The following MACF1 variants were observed in gnomAD, a reference collection of about 807,000 sequenced individuals.
MACF1 encodes the protein microtubule actin crosslinking factor 1.
MACF1 carries 193 observed loss-of-function variants against 854.8 expected under a neutral mutation model. The observed-to-expected ratio is 0.23, with a 90% CI of 0.20 to 0.25. The LOEUF is 0.25. MACF1 is among the 10% of genes least tolerant of loss of function. The probability of loss-of-function intolerance (pLI) is 1.00; values close to 1 mark genes in which losing one functional copy is unlikely to be tolerated. For synonymous variants in MACF1, 3,185 were observed against 3,226.7 expected, an observed-to-expected ratio of 0.99 and a Z score of 0.44; for missense variants, 7,722 against 8,929.1, an observed-to-expected ratio of 0.86 and a Z score of 5.45.
intron 80 of MACF1, 45 bp downstream of exon 80, chr1:39,444,880 G>C: frequency 6.7e-7 from 1 of 1,489,020 alleles, no homozygotes; most frequent in Middle Eastern, 1.8e-4. Context: ...CTGAGTGATT[G>C]CATGTATAAT....
chr1:39,098,205 C>G (rs557439311), intron 2 of MACF1, among the ~76,000 whole-genome samples: 1 of 152,314 alleles, frequency 6.6e-6, no homozygotes, highest in East Asian at 1.9e-4. Context: ...GGGCCAATAC[C>G]TTTTATAACT....
intron 40 of MACF1, 141 bp from the exon 41 acceptor site, chr1:39,346,836 T>G: frequency 1.5e-6 from 1 of 651,104 alleles, no homozygotes; most frequent in Non-Finnish European, 2.7e-6. Context: ...ACTTTAATTC[T>G]AATTTGGCCC....
chr1:39,171,339 C>T (rs1284609354), intron 2 of MACF1, among the ~76,000 whole-genome samples: 3 of 151,794 alleles, frequency 2.0e-5, no homozygotes. Context: ...ACATTAAGTA[C>T]ATTCACAATA....
intron 54 of MACF1, 113 bp from the exon 55 acceptor site, chr1:39,380,131 A>C: frequency 2.0e-6 from 2 of 989,660 alleles, no homozygotes; most frequent in Non-Finnish European, 3.1e-6. Flanking sequence ...AGTCATTGAT[A>C]GGATCCTAGT....
chr1:39,108,001 TAGGAATGGTAGTCA>T (rs1642291332), intron 2 of MACF1, among the ~76,000 whole-genome samples: 1 of 151,644 alleles, frequency 6.6e-6, no homozygotes, highest in Non-Finnish European at 1.5e-5. Context: ...GCAGCTGTAT[TAGGAATGGTAGTCA>T]AGTATGGGTT....
At chr1:39,139,452 T>C (rs1213268110) in intron 2 of MACF1, among the ~76,000 whole-genome samples, 2 of 152,162 alleles carry the variant, frequency 1.3e-5, no homozygotes, top group Non-Finnish European at 2.9e-5. Context: ...AGATGGGGTT[T>C]CACCATGTTG....
intron 63 of MACF1, 59 bp from the exon 64 acceptor site, chr1:39,429,183 G>T (rs1007116209): frequency 2.3e-6 from 2 of 854,146 alleles, no homozygotes; most frequent in East Asian, 2.5e-5. Context: ...TAAAGGTCTC[G>T]CATTTTGTTT....
chr1:39,385,517 A>C lies in MACF1; in HGVS notation c.13932A>C (p.Gly4644=), dbSNP rs1650624244. 1 of 1,614,030 alleles carries C rather than the reference A, an allele frequency of 6.2e-7. No individual in the cohort carries two copies. The highest frequency in any genetic ancestry group is 8.5e-7 in the Non-Finnish European group (1 of 1,180,028). The change falls in exon 57 of 101, where the codon GGA becomes GGC. Residue 4644 remains glycine, a synonymous_variant. Transcript: ENST00000564288. ...CTCAGGGCATCCTAACAGGCCCTGGAGATGTCTCTCTGTCCACCAGCCAAG... is the reference window on the plus strand; with the variant it reads ...CTCAGGGCATCCTAACAGGCCCTGGCGATGTCTCTCTGTCCACCAGCCAAG... ...EAAQGILTGP[G]DVSLSTSQVQ...
intron 2 of MACF1, among the ~76,000 whole-genome samples, chr1:39,146,308 T>C (rs1643462479): frequency 6.6e-6 from 1 of 151,976 alleles, no homozygotes; most frequent in South Asian, 2.1e-4. Context: ...CCAGGTATGG[T>C]GGCGCACACC....
intron 6 of MACF1, among the ~76,000 whole-genome samples, chr1:39,273,131 A>ATTTTTTT (rs561821846): frequency 8.3e-6 from 1 of 120,448 alleles, no homozygotes; most frequent in South Asian, 2.5e-4. Flanking sequence ...CTCTATACCA[A>ATTTTTTT]TTTTTTTTTT....
At chr1:39,301,961 T>C (rs753771792) in intron 22 of MACF1, among the ~76,000 whole-genome samples, 36 of 149,340 alleles carry the variant, frequency 2.4e-4, no homozygotes, top group Non-Finnish European at 4.6e-4. Context: ...CAGACTATGC[T>C]TGTCTGCTTA....
At chr1:39,395,465 C>A (rs1220579481) in intron 58 of MACF1, among the ~76,000 whole-genome samples, 1 of 152,212 alleles carries the variant, frequency 6.6e-6, no homozygotes, top group Non-Finnish European at 1.5e-5. Flanking sequence ...TGGCCTTAAT[C>A]TGTGTCTGGC....
At chr1:39,315,258 TATAG>T (rs1322073045) in intron 26 of MACF1, among the ~76,000 whole-genome samples, 6 of 152,224 alleles carry the variant, frequency 3.9e-5, no homozygotes, top group African/African-American at 1.4e-4. Flanking sequence ...TATAACATGC[TATAG>T]ATACTCTGTT....
chr1:39,215,127 A>G (rs938568508), intron 1 of MACF1: 1 of 152,352 alleles, frequency 6.6e-6, no homozygotes, highest in Non-Finnish European at 1.5e-5. Flanking sequence ...AGCATGCTAT[A>G]TGCCTGAGAC....
intron 97 of MACF1, among the ~76,000 whole-genome samples, chr1:39,478,093 C>T (rs1174849549): frequency 6.7e-6 from 1 of 150,300 alleles, no homozygotes; most frequent in Non-Finnish European, 1.5e-5. Context: ...GCCTCCGCCT[C>T]CTGGGTTCAA....
intron 2 of MACF1, among the ~76,000 whole-genome samples, chr1:39,093,057 T>C (rs1641847232): frequency 6.6e-6 from 1 of 152,180 alleles, no homozygotes; most frequent in South Asian, 2.1e-4. Flanking sequence ...GTGCTGGGAT[T>C]ACAGGTGTGA....
chr1:39,247,697 C>G (rs1301828487), intron 2 of MACF1, among the ~76,000 whole-genome samples: 1 of 152,144 alleles, frequency 6.6e-6, no homozygotes, highest in Non-Finnish European at 1.5e-5. Flanking sequence ...ATTGTTTAGA[C>G]TTAAGAAAGT....
chr1:39,413,805 A>T (rs1187642840), intron 58 of MACF1: 1 of 1,597,796 alleles, frequency 6.3e-7, no homozygotes, highest in South Asian at 1.1e-5. Context: ...CCACCCCAGC[A>T]GAATCTGCCT....
chr1:39,352,928 C>A (rs151061169), intron 43 of MACF1, 79 bp from the exon 44 acceptor site: 4 of 950,690 alleles, frequency 4.2e-6, no homozygotes, highest in South Asian at 1.5e-5. Context: ...ATCTCCTCCC[C>A]TTTACCCCAT....
Sources: gnomAD v4.1 joint callset for allele counts (sites outside exome capture counted in the v4.1 genomes callset) on GRCh38, gnomAD v4.1.1 for gene constraint, MANE v1.5 for transcripts, NCBI Gene and HGNC (gene_info 2026-07-23, HGNC 2026-07-21) for gene names.